Variants in NEK11 observed in about 807,000 individuals in gnomAD.
NEK11 encodes NIMA related kinase 11, also known as serine/threonine-protein kinase Nek11.
Under a neutral mutation model 80.7 loss-of-function variants are expected in NEK11, and 72 were observed. That is an observed-to-expected ratio of 0.89 (90% CI 0.74 to 1.08). NEK11 has a LOEUF of 1.08. Ranked by LOEUF, NEK11 falls within the 50% of genes least tolerant of loss-of-function variation. The pLI, the probability that NEK11 is intolerant of heterozygous loss-of-function variation, is 0.00. For missense variants in NEK11, 764 were observed against 763.6 expected, an observed-to-expected ratio of 1.00 and a Z score of -0.01; for synonymous variants, 251 against 260.7, an observed-to-expected ratio of 0.96 and a Z score of 0.36.
chr3:131,264,652 C>G (rs2096010242), intron 16 of NEK11, among the ~76,000 whole-genome samples: 1 of 152,144 alleles, frequency 6.6e-6, no homozygotes, highest in Non-Finnish European at 1.5e-5. Flanking sequence ...AGCGTGATAC[C>G]TCCAGCTTTG....
chr3:131,039,801 T>G (rs941940024), intron 3 of NEK11, among the ~76,000 whole-genome samples: 3 of 152,200 alleles, frequency 2.0e-5, no homozygotes, highest in African/African-American at 7.2e-5. Context: ...CAACTGATTT[T>G]CCTGGGGAAA....
chr3:131,036,387 G>A (rs943666436), intron 3 of NEK11, among the ~76,000 whole-genome samples: 3 of 152,234 alleles, frequency 2.0e-5, no homozygotes, highest in Non-Finnish European at 4.4e-5. Context: ...TCATACTCCA[G>A]TGAATTCTGT....
chr3:131,133,311 T>C (rs1560566479), intron 6 of NEK11: 6 of 454,010 alleles, frequency 1.3e-5, no homozygotes, highest in Non-Finnish European at 1.8e-5. Flanking sequence ...TAGGGTGTAC[T>C]TGGGGAAGGA....
chr3:131,035,179 C>G (rs1331314078), intron 3 of NEK11, among the ~76,000 whole-genome samples: 1 of 152,156 alleles, frequency 6.6e-6, no homozygotes, highest in Admixed American at 6.5e-5. Context: ...CTCTTGCCTC[C>G]TCAGAGAGCT....
At chr3:131,144,495 G>A (rs1000105562) in intron 7 of NEK11, among the ~76,000 whole-genome samples, 1 of 152,034 alleles carries the variant, frequency 6.6e-6, no homozygotes, top group Admixed American at 6.6e-5. Flanking sequence ...ATTCCTATAT[G>A]GAAATGTCTG....
chr3:131,123,792 T>C (rs2082805143), intron 5 of NEK11, among the ~76,000 whole-genome samples: 1 of 152,140 alleles, frequency 6.6e-6, no homozygotes, highest in Non-Finnish European at 1.5e-5. Flanking sequence ...ATCCTAAACC[T>C]GTTGTCTCTT....
intron 17 of NEK11, among the ~76,000 whole-genome samples, chr3:131,321,337 A>T (rs960112184): frequency 1.3e-5 from 2 of 152,216 alleles, no homozygotes; most frequent in Non-Finnish European, 2.9e-5. Flanking sequence ...CTTTTACCAT[A>T]TATAAAAATT....
chr3:131,157,169 G>A (rs894648172), intron 10 of NEK11, among the ~76,000 whole-genome samples: 2 of 152,150 alleles, frequency 1.3e-5, no homozygotes, highest in Non-Finnish European at 2.9e-5. Context: ...CCAGGATCAG[G>A]TGAGGCAAGT....
chr3:131,287,500 C>T (rs976477922), intron 17 of NEK11, among the ~76,000 whole-genome samples: 1 of 152,154 alleles, frequency 6.6e-6, no homozygotes, highest in East Asian at 1.9e-4. Flanking sequence ...TCTCGAACTC[C>T]TGACCTCAGG....
chr3:131,263,177 C>T (rs914920171), intron 16 of NEK11, among the ~76,000 whole-genome samples: 1 of 151,876 alleles, frequency 6.6e-6, no homozygotes, highest in African/African-American at 2.4e-5. Flanking sequence ...CTAATGCTAT[C>T]CCTCCCTCCT....
chr3:131,303,365 G>A (rs553953112), intron 17 of NEK11, among the ~76,000 whole-genome samples: 87 of 152,156 alleles, frequency 5.7e-4, no homozygotes, highest in African/African-American at 1.8e-3. Flanking sequence ...TGATCCTGTC[G>A]TCATGTTATT....
intron 3 of NEK11, among the ~76,000 whole-genome samples, chr3:131,057,854 T>C (rs1179473708): frequency 6.6e-6 from 1 of 152,242 alleles, no homozygotes; most frequent in Admixed American, 6.5e-5. Context: ...TTCACTCTGA[T>C]GGCAGTTTCT....
In NEK11 at chr3:131,187,685, GA is replaced by G. The variant is rs144208935; in HGVS notation, c.1399+16800del. ...TGCTGTGACAGCTTTCCACTAAATA[GA>G]AGAAATGAGTACAGGTGTTTTGGTT... On this transcript the variant is annotated intron_variant, in intron 14 of 17. Coordinates refer to ENST00000383366, the MANE Select transcript of NEK11 (RefSeq NM_024800.5). Among the ~76,000 whole-genome samples the G allele has an allele frequency of 4.6e-3, 704 of 152,196 alleles. 9 individuals carry two copies. Among genetic ancestry groups the G allele is most frequent in the African/African-American group, 0.016 (671 of 41,530 alleles).
At position 131,332,850 on chromosome 3, in the gene NEK11, T is replaced by G. The variant is rs544306765; in HGVS notation, c.1719-16707T>G. Among the ~76,000 whole-genome samples, 3 of 152,254 alleles carry G rather than the reference T, an allele frequency of 2.0e-5. No individual in the cohort carries two copies. In the South Asian group the frequency reaches 6.2e-4, roughly 32 times the overall value. Reference sequence around the variant, plus strand: ...AGCCTCAGGAGCCGATGCAATCGACTGGAAGAAAGGGTATCAGTGATGGAA... The same window carrying G: ...AGCCTCAGGAGCCGATGCAATCGACGGGAAGAAAGGGTATCAGTGATGGAA... On this transcript the variant is annotated intron_variant, in intron 17 of 17. Transcript: ENST00000383366.
At chr3:131,320,415 TCTC>T (rs2096885135) in intron 17 of NEK11, among the ~76,000 whole-genome samples, 1 of 152,102 alleles carries the variant, frequency 6.6e-6, no homozygotes, top group East Asian at 1.9e-4. Flanking sequence ...AGGCTGGTGT[TCTC>T]CTCTTAAGAC....
intron 17 of NEK11, among the ~76,000 whole-genome samples, chr3:131,319,501 T>C (rs2109687487): frequency 6.6e-6 from 1 of 152,278 alleles, no homozygotes; most frequent in African/African-American, 2.4e-5. Flanking sequence ...AGTATGATTG[T>C]AATAATTAAC....
chr3:131,184,776 GA>G, intron 14 of NEK11: 1 of 1,161,528 alleles, frequency 8.6e-7, no homozygotes. Flanking sequence ...TAAGGAAATA[GA>G]ATCCTCCATG....
At chr3:131,166,769 A>G (rs183639515) in intron 12 of NEK11, among the ~76,000 whole-genome samples, 2 of 152,258 alleles carry the variant, frequency 1.3e-5, no homozygotes, top group East Asian at 1.9e-4. Flanking sequence ...CTGAAAGGCC[A>G]TGGGGTCAAC....
At chr3:131,312,759 T>A (rs2109453946) in intron 17 of NEK11, among the ~76,000 whole-genome samples, 1 of 152,250 alleles carries the variant, frequency 6.6e-6, no homozygotes, top group East Asian at 1.9e-4. Flanking sequence ...CATGAGCACC[T>A]GTTTCAGAAT....
Sources: allele counts gnomAD v4.1 joint callset (sites outside exome capture counted in the v4.1 genomes callset), GRCh38; gene constraint gnomAD v4.1.1; transcripts MANE v1.5; gene names NCBI Gene and HGNC (gene_info 2026-07-23, HGNC 2026-07-21).